Variants in ADAM22 observed in about 807,000 individuals in gnomAD.
The protein encoded by ADAM22 is disintegrin and metalloproteinase domain-containing protein 22.
A neutral mutation model predicts 144.6 loss-of-function variants in ADAM22; 65 were observed. The observed-to-expected ratio is 0.45, with a 90% CI of 0.37 to 0.55. The LOEUF is 0.55. ADAM22 is among the 20% of genes least tolerant of loss of function. The probability of loss-of-function intolerance (pLI) is 0.00; values close to 1 mark genes in which losing one functional copy is unlikely to be tolerated. For missense variants in ADAM22, 974 were observed against 1,184.9 expected (o/e 0.82, Z 2.61); for synonymous variants, 391 against 412.6 (o/e 0.95, Z 0.63).
At chr7:88,104,431 G>A (rs1051622449) in intron 4 of ADAM22, among the ~76,000 whole-genome samples, 3 of 151,854 alleles carry the variant, frequency 2.0e-5, no homozygotes, top group African/African-American at 7.3e-5. Context: ...TATGTGAAGG[G>A]AGTATTTTTA....
At chr7:88,068,565 A>G (rs888480678) in intron 3 of ADAM22, among the ~76,000 whole-genome samples, 1 of 152,210 alleles carries the variant, frequency 6.6e-6, no homozygotes, top group Non-Finnish European at 1.5e-5. Flanking sequence ...CATAACAATC[A>G]CTGAATGTTA....
intron 2 of ADAM22, among the ~76,000 whole-genome samples, chr7:87,945,702 C>T (rs899104528): frequency 6.6e-6 from 1 of 151,714 alleles, no homozygotes; most frequent in African/African-American, 2.4e-5. Context: ...TTAGTAGAGA[C>T]GGGGGTTTCA....
At chr7:88,033,561 T>A (rs1800791150) in intron 3 of ADAM22, among the ~76,000 whole-genome samples, 4 of 152,154 alleles carry the variant, frequency 2.6e-5, no homozygotes, top group Admixed American at 2.6e-4. Context: ...CTACCATCTA[T>A]GTTTGCTCAA....
At chr7:88,019,857 A>ATGTG (rs35909431) in intron 3 of ADAM22, among the ~76,000 whole-genome samples, 4,183 of 138,960 alleles carry the variant, frequency 0.03, 69 homozygotes, top group East Asian at 0.069. Flanking sequence ...CTCAAAAAAT[A>ATGTG]TGTGTGTGTG....
At chr7:87,972,796 A>C (rs1850793702) in intron 2 of ADAM22, among the ~76,000 whole-genome samples, 2 of 152,250 alleles carry the variant, frequency 1.3e-5, no homozygotes, top group Admixed American at 6.5e-5. Context: ...CCGCATATCT[A>C]CAACTATCTG....
At chr7:88,002,088 C>G (rs966724611) in intron 3 of ADAM22, among the ~76,000 whole-genome samples, 6 of 152,060 alleles carry the variant, frequency 3.9e-5, no homozygotes, top group Non-Finnish European at 7.4e-5. Context: ...ATTTGGGAAT[C>G]TTTCAGTTGC....
chr7:88,142,893 A>G (rs1442999638), intron 14 of ADAM22, 133 bp from the exon 15 acceptor site: 3 of 554,976 alleles, frequency 5.4e-6, no homozygotes, highest in Non-Finnish European at 9.7e-6. Flanking sequence ...GATTGAATAT[A>G]AATGTCATAC....
chr7:88,142,561 G>A (rs546784069), intron 14 of ADAM22, among the ~76,000 whole-genome samples: 17 of 152,178 alleles, frequency 1.1e-4, no homozygotes, highest in African/African-American at 3.6e-4. Flanking sequence ...TTGATTGGCC[G>A]GGCGTGGTGG....
At chr7:88,091,894 A>G (rs1482459074) in intron 4 of ADAM22, among the ~76,000 whole-genome samples, 1 of 152,160 alleles carries the variant, frequency 6.6e-6, no homozygotes. Flanking sequence ...GTGAGTCCCA[A>G]TTATTCCAAT....
intron 5 of ADAM22, among the ~76,000 whole-genome samples, chr7:88,113,532 A>G (rs951064165): frequency 6.6e-6 from 1 of 150,426 alleles, no homozygotes; most frequent in Non-Finnish European, 1.5e-5. Context: ...CTCTTAGAGT[A>G]AAAGCCAAGG....
intron 3 of ADAM22, among the ~76,000 whole-genome samples, chr7:88,041,295 G>C (rs1330004875): frequency 6.6e-6 from 1 of 152,002 alleles, no homozygotes; most frequent in Non-Finnish European, 1.5e-5. Context: ...CCACAGGACA[G>C]ATGGAATCAA....
chr7:88,138,942 C>T (rs1034443563), intron 14 of ADAM22, among the ~76,000 whole-genome samples: 2 of 152,208 alleles, frequency 1.3e-5, no homozygotes, highest in African/African-American at 4.8e-5. Context: ...ACTGAGCTTC[C>T]TCCCAGCTCT....
chr7:87,952,894 T>C (rs997328312), intron 2 of ADAM22, among the ~76,000 whole-genome samples: 9 of 152,254 alleles, frequency 5.9e-5, no homozygotes, highest in Non-Finnish European at 1.0e-4. Flanking sequence ...TTGAGGAATT[T>C]ATCCATTTCT....
At chr7:88,093,468 T>G (rs1820473356) in intron 4 of ADAM22, among the ~76,000 whole-genome samples, 1 of 152,164 alleles carries the variant, frequency 6.6e-6, no homozygotes, top group Non-Finnish European at 1.5e-5. Context: ...TTACAGCCTT[T>G]TTGAAGGAGG....
chr7:87,935,217 C>A (rs1239754753), intron 2 of ADAM22, 31 bp downstream of exon 2: 1 of 1,538,706 alleles, frequency 6.5e-7, no homozygotes, highest in East Asian at 2.3e-5. Flanking sequence ...GGTGGTCCTC[C>A]GCGCCTCCCG....
rs538278258 is a variant in ADAM22 at position 87,951,308 on chromosome 7, A to C, written c.246+16122A>C. 2.2e-5 allele frequency among the ~76,000 whole-genome samples: 3 copies of C among 136,888 alleles called. No individual in the cohort carries two copies. The East Asian group carries it at 6.1e-4, about 28-fold the overall frequency. The allele number at this position is 136,888 out of a possible 152,430, so 89.8% of individuals were successfully genotyped here. A position where few individuals can be genotyped will look rare whatever the true frequency, so the allele number is the denominator to read the frequency against. The stretch of plus-strand genomic sequence containing the variant: ...TAAGTCTTTAATCCATCTTGAATTA[A>C]TTTGTGTATAAGATGTAAGGAAGGG... On this transcript the variant is annotated intron_variant, in intron 2 of 31. Transcript: ENST00000413139.
At chr7:88,141,609 T>G (rs1288742160) in intron 14 of ADAM22, among the ~76,000 whole-genome samples, 4 of 152,146 alleles carry the variant, frequency 2.6e-5, no homozygotes, top group Non-Finnish European at 5.9e-5. Context: ...TTGGTGGCTT[T>G]TCTCCAGTAA....
At chr7:88,011,568 G>A (rs927235900) in intron 3 of ADAM22, among the ~76,000 whole-genome samples, 48 of 151,798 alleles carry the variant, frequency 3.2e-4, no homozygotes, top group African/African-American at 7.0e-4. Flanking sequence ...AAAACACTGC[G>A]TTTTTGTTCT....
chr7:88,087,756 T>C (rs1818801836), intron 4 of ADAM22, among the ~76,000 whole-genome samples: 1 of 152,180 alleles, frequency 6.6e-6, no homozygotes, highest in East Asian at 1.9e-4. Flanking sequence ...GTGTATTAGC[T>C]CAAGTTATTT....
Sources: allele counts gnomAD v4.1 joint callset (sites outside exome capture counted in the v4.1 genomes callset), GRCh38; gene constraint gnomAD v4.1.1; transcripts MANE v1.5; gene names NCBI Gene and HGNC (gene_info 2026-07-23, HGNC 2026-07-21).